Variants in TNFRSF4 observed in about 807,000 individuals in gnomAD.
TNFRSF4 encodes the protein TNF receptor superfamily member 4, also known as tumor necrosis factor receptor superfamily member 4.
A neutral mutation model predicts 29.5 loss-of-function variants in TNFRSF4; 21 were observed. The ratio of observed to expected loss-of-function variants is 0.71; its 90% CI spans 0.51 to 1.03. The LOEUF (loss-of-function observed/expected upper bound fraction) is 1.03. Ranked by LOEUF, TNFRSF4 falls within the 50% of genes least tolerant of loss-of-function variation. The pLI is 0.00. For missense variants in TNFRSF4, 408 were observed against 387.8 expected (o/e 1.05, Z -0.44); for synonymous variants, 197 against 172.7 (o/e 1.14, Z -1.10).
chr1:1,213,907 T>TCCTGGCTGGCCCATCCCTGCCCCAGCCC (rs1161859611), intron 1 of TNFRSF4, 76 bp downstream of exon 1: 41 of 620,326 alleles, frequency 6.6e-5, no homozygotes, highest in Non-Finnish European at 9.4e-5. Flanking sequence ...AGGACCAGCC[T>TCCTGGCTGGCCCATCCCTGCCCCAGCCC]CCTGGCTGGC....
chr1:1,211,588 C>G lies in TNFRSF4; in HGVS notation c.801G>C (p.Gln267His), dbSNP rs762071902. Residue 267 changes from glutamine to histidine, a missense_variant, in exon 7 of 7, where the codon CAG (glutamine) becomes CAC (histidine). Transcript: ENST00000379236. ...TGGCCAGGGTGGAGTGGGCGTCGGC[C>G]TGCTCCTCTTGGATGGGGGTCCGGA... ...GSFRTPIQEE[Q>H]ADAHSTLAKI 20 of 1,523,406 alleles carry G rather than the reference C, an allele frequency of 1.3e-5. 1 individual carries two copies. The East Asian group carries it at 4.7e-4, about 36-fold the overall frequency. The allele number at this position is 1,523,406 out of a possible 1,614,324, so 94.4% of individuals were successfully genotyped here.
chr1:1,213,560 C>T (rs1649300221), intron 2 of TNFRSF4, 103 bp downstream of exon 2: 9 of 1,475,778 alleles, frequency 6.1e-6, no homozygotes, highest in Admixed American at 4.7e-5. Context: ...GTTTGAGGTT[C>T]GTTTCTGCGG....
Position 1,213,356 on chromosome 1 carries a change from C to T in TNFRSF4, c.269-263G>A, listed in dbSNP as rs1469227165. On this transcript the variant is annotated intron_variant, in intron 2 of 6. Coordinates refer to ENST00000379236, the MANE Select transcript of TNFRSF4 (RefSeq NM_003327.4). ...CACCGCCTCCAGCCGCCAGCCCCGC[C>T]TGCGGCAGGGTCTCCATGGCCCAAC... 24 of 1,531,270 alleles carry T rather than the reference C, an allele frequency of 1.6e-5. No individual in the cohort carries two copies. The Admixed American group carries it at 1.8e-4, about 11-fold the overall frequency. The allele number at this position is 1,531,270 out of a possible 1,614,324, so 94.9% of individuals were successfully genotyped here.
chr1:1,213,481 A>G, intron 2 of TNFRSF4, 182 bp downstream of exon 2: 1 of 1,475,286 alleles, frequency 6.8e-7, no homozygotes, highest in Non-Finnish European at 9.0e-7. Flanking sequence ...CCCCGGAGGG[A>G]GAGGGGGTGC....
chr1:1,212,598 C>CG lies in TNFRSF4; in HGVS notation c.437+39_437+40insC, dbSNP rs759479695. 9 of 1,296,978 alleles carry CG rather than the reference C, an allele frequency of 6.9e-6. No individual in the cohort carries two copies. In the African/African-American group the frequency reaches 7.9e-5, roughly 11 times the overall value. 80.3% of individuals were successfully genotyped at this position (1,296,978 alleles called of 1,614,324 possible). On this transcript the variant is annotated intron_variant, in intron 4 of 6. Transcript: ENST00000379236. ...CCTCCGCCCTCCTAACCACCCCAAC[C>CG]CCCCCCCAGCCCCTCCCAGCCCCTG...
rs1457910400 is a variant in TNFRSF4, at chr1:1,212,054, C to T, written c.522G>A (p.Thr174=). 20 of 1,611,708 alleles carry T rather than the reference C, an allele frequency of 1.2e-5. No individual in the cohort carries two copies. The highest frequency in any genetic ancestry group is 6.6e-5 in the South Asian group (6 of 90,948). Reference sequence around the variant, plus strand: ...GGGGGCCCTGGGTCTCCTGGGGCTGCGTGGCTGGGGGGTCCCTGTCCTCAC... The same window carrying T: ...GGGGGCCCTGGGTCTCCTGGGGCTGTGTGGCTGGGGGGTCCCTGTCCTCAC... ...AICEDRDPPA[T]QPQETQGPPA... is the part of the protein sequence containing the mutation. The change falls in exon 5 of 7, where the codon ACG becomes ACA. Residue 174 remains threonine (T), a synonymous_variant. Transcript: ENST00000379236.
chr1:1,211,906 T>A, intron 5 of TNFRSF4, 36 bp downstream of exon 5: 1 of 1,510,270 alleles, frequency 6.6e-7, no homozygotes. Context: ...CCTATTCGGG[T>A]TGGGGGCCCC....
At chr1:1,213,335 G>A (rs562570984) in intron 2 of TNFRSF4, 78 of 1,526,260 alleles carry the variant, frequency 5.1e-5, no homozygotes, top group Admixed American at 3.6e-4. Flanking sequence ...CCCCTCCACC[G>A]CCTCCAGCCG....
Position 1,212,694 on chromosome 1 carries a change from G to C in TNFRSF4, c.381C>G (p.Pro127=). The change falls in exon 4 of 7, where the codon CCC becomes CCG. Residue 127 remains proline (P), a synonymous_variant. Coordinates refer to ENST00000379236, the MANE Select transcript of TNFRSF4 (RefSeq NM_003327.4). ...DSYKPGVDCA[P]CPPGHFSPGD... is the part of the protein sequence containing the mutation. ...CTGGGGAGAAGTGCCCTGGAGGGCA[G>C]GGGGCACAGTCTGCAACAAAGATAG... 1 of 1,553,140 alleles carries C rather than the reference G, an allele frequency of 6.4e-7. No individual in the cohort carries two copies. The highest frequency in any genetic ancestry group is 1.2e-5 in the South Asian group (1 of 85,078).
chr1:1,211,570 G>A lies in TNFRSF4; in HGVS notation c.819C>T (p.Thr273=). Residue 273 remains threonine (T), a synonymous_variant, in exon 7 of 7, where the codon ACC becomes ACT. Coordinates refer to ENST00000379236, the MANE Select transcript of TNFRSF4 (RefSeq NM_003327.4). The stretch of plus-strand genomic sequence containing the variant: ...TGGGCCCAGGTCAGATCTTGGCCAG[G>A]GTGGAGTGGGCGTCGGCCTGCTCCT... ...IQEEQADAHS[T]LAKI is the part of the protein sequence containing the mutation. 1 of 1,510,844 alleles carries A rather than the reference G, an allele frequency of 6.6e-7. No individual in the cohort carries two copies. Among genetic ancestry groups the A allele is most frequent in the Non-Finnish European group, 8.8e-7 (1 of 1,130,724 alleles). The allele number at this position is 1,510,844 out of a possible 1,614,324, so 93.6% of individuals were successfully genotyped here.
Position 1,213,070 on chromosome 1 carries a change from G to T in TNFRSF4, c.292C>A (p.Leu98Met). The T allele has an allele frequency of 6.2e-7, 1 of 1,610,524 alleles. No homozygotes were observed. The highest frequency in any genetic ancestry group is 8.5e-7 in the Non-Finnish European group (1 of 1,179,254). ...NLRSGSERKQ[L>M]CTATQDTVCR... ...ACTGTGTCCTGTGTGGCCGTGCACA[G>T]CTGCTTCCGCTCACTCCCACTTCCT... Residue 98 changes from leucine (L) to methionine (M), a missense_variant, in exon 3 of 7, where the codon CTG (leucine) becomes ATG (methionine). Leu to Met is a conservative substitution (Grantham distance 15). Transcript: ENST00000379236.
intron 2 of TNFRSF4, 52 bp downstream of exon 2, chr1:1,213,611 A>G: frequency 6.6e-7 from 1 of 1,524,868 alleles, no homozygotes; most frequent in Non-Finnish European, 8.8e-7. Flanking sequence ...TGTGGGTGCC[A>G]GGCTGCCGCC....
At chr1:1,212,550 C>A in intron 4 of TNFRSF4, 88 bp downstream of exon 4, 1 of 507,526 alleles carries the variant, frequency 2.0e-6, no homozygotes, top group Non-Finnish European at 3.1e-6. Flanking sequence ...CCTGCCCCCC[C>A]AGCCCCTCCC....
At position 1,212,686 on chromosome 1, in the gene TNFRSF4, G is replaced by A; in HGVS notation, c.389C>T (p.Pro130Leu). The A allele has an allele frequency of 6.4e-7, 1 of 1,562,192 alleles. No individual in the cohort carries two copies. The highest frequency in any genetic ancestry group is 8.6e-7 in the Non-Finnish European group (1 of 1,157,594). Residue 130 changes from proline to leucine, a missense_variant, in exon 4 of 7, where the codon CCA (proline) becomes CTA (leucine). Pro to Leu is a moderately conservative substitution (Grantham distance 98). Transcript: ENST00000379236. Reference protein sequence around the residue: ...KPGVDCAPCPPGHFSPGDNQA... With the variant: ...KPGVDCAPCPLGHFSPGDNQA... ...GTTGTCGCCTGGGGAGAAGTGCCCT[G>A]GAGGGCAGGGGGCACAGTCTGCAAC...
rs193151776 is a variant in TNFRSF4 at position 1,213,112 on chromosome 1, G to C, written c.269-19C>G. 3.2e-5 allele frequency: 51 copies of C among 1,600,716 alleles called. No homozygotes were observed. The highest frequency in any genetic ancestry group is 1.6e-4 in the Middle Eastern group (1 of 6,062). ...CCACTTCCTGAGCAGGGGCCGGATG[G>C]GGGGGTGGTCAGGTGGGGGCTGTGG... On this transcript the variant is annotated intron_variant, in intron 2 of 6. Coordinates refer to ENST00000379236, the MANE Select transcript of TNFRSF4 (RefSeq NM_003327.4).
At chr1:1,212,197 G>A (rs1353753767) in intron 4 of TNFRSF4, 59 bp from the exon 5 acceptor site, 7 of 1,580,172 alleles carry the variant, frequency 4.4e-6, no homozygotes, top group East Asian at 2.3e-5. Context: ...CGGGAGATGC[G>A]GTGGGGATAA....
In TNFRSF4 at chr1:1,214,006, C is replaced by T. The variant is rs779828255; in HGVS notation, c.122G>A (p.Arg41Gln). 13 of 1,604,960 alleles carry T rather than the reference C, an allele frequency of 8.1e-6. No homozygotes were observed. The highest frequency in any genetic ancestry group is 2.2e-5 in the South Asian group (2 of 89,872). The change falls in exon 1 of 7, where the codon CGG becomes CAG. Residue 41 changes from arginine to glutamine, a missense_variant. Physicochemically the swap from Arg to Gln is conservative, Grantham distance 43 (BLOSUM62 1). Coordinates refer to ENST00000379236, the MANE Select transcript of TNFRSF4 (RefSeq NM_003327.4). This position sits in a 1 kb window ranked among gnomAD's most constrained non-coding sequence, Gnocchi z 4.2. ...CVGDTYPSND[R>Q]CCHECRPGNG... ...ACCTGGCCTGCACTCGTGGCAGCAC[C>T]GGTCGTTGCTGGGGTAGGTGTCCCC...
At chr1:1,213,892 T>G in intron 1 of TNFRSF4, 91 bp downstream of exon 1, 1 of 404,112 alleles carries the variant, frequency 2.5e-6, no homozygotes, top group Non-Finnish European at 3.5e-6. Context: ...ACCCGCCCCC[T>G]CCCCAGGACC....
chr1:1,212,166 G>A, intron 4 of TNFRSF4, 28 bp from the exon 5 acceptor site: 1 of 1,611,080 alleles, frequency 6.2e-7, no homozygotes, highest in Non-Finnish European at 8.5e-7. Flanking sequence ...GTGTTGCTCA[G>A]GCCAGAAACC....
Sources: allele counts gnomAD v4.1 joint callset, GRCh38; gene constraint gnomAD v4.1.1; non-coding constraint Gnocchi (gnomAD v3.1); transcripts MANE v1.5; gene names NCBI Gene and HGNC (gene_info 2026-07-23, HGNC 2026-07-21).